ARNT2: variants seen among roughly 807,000 people sequenced by gnomAD.
ARNT2 encodes the protein ARNT protein 2.
In ARNT2, 36 loss-of-function variants were observed where a neutral mutation model predicts 91.7. The observed-to-expected ratio is 0.39, with a 90% CI of 0.30 to 0.52. ARNT2 has a LOEUF of 0.52. Ranked by LOEUF, ARNT2 falls within the 20% of genes least tolerant of loss-of-function variation. The pLI, the probability that ARNT2 is intolerant of heterozygous loss-of-function variation, is 0.72. For synonymous variants in ARNT2, 365 were observed against 347.1 expected, an observed-to-expected ratio of 1.05 and a Z score of -0.57; for missense variants, 775 against 939.3, an observed-to-expected ratio of 0.83 and a Z score of 2.29.
intron 1 of ARNT2, among the ~76,000 whole-genome samples, chr15:80,437,281 G>A (rs372436605): frequency 1.3e-5 from 2 of 152,108 alleles, no homozygotes; most frequent in East Asian, 3.9e-4. Flanking sequence ...TTCAGAGCTG[G>A]TGGCGGTGTC....
In ARNT2 at chr15:80,593,692, T is replaced by A; in HGVS notation, c.2148T>A (p.Ser716=). The change falls in exon 19 of 19, where the codon TCT becomes TCA. Residue 716 remains serine (S), a synonymous_variant. Transcript: ENST00000303329. The part of the protein sequence containing the change: ...FADLGMFPPF[S]E ...ACCTGGGCATGTTTCCACCGTTTTCTGAGTAGCTGCGGCCAGAGTGAGGCT... is the reference window on the plus strand; with the variant it reads ...ACCTGGGCATGTTTCCACCGTTTTCAGAGTAGCTGCGGCCAGAGTGAGGCT... The A allele has an allele frequency of 6.2e-7, 1 of 1,602,554 alleles. No homozygotes were observed. Among genetic ancestry groups the A allele is most frequent in the Non-Finnish European group, 8.5e-7 (1 of 1,173,178 alleles).
At chr15:80,408,288 T>C (rs1219779159) in intron 1 of ARNT2, among the ~76,000 whole-genome samples, 1 of 151,948 alleles carries the variant, frequency 6.6e-6, no homozygotes, top group Non-Finnish European at 1.5e-5. Context: ...CCTCAGGGGG[T>C]TCTAAGTCTA....
At chr15:80,497,807 A>G (rs1409592338) in intron 5 of ARNT2, among the ~76,000 whole-genome samples, 2 of 152,198 alleles carry the variant, frequency 1.3e-5, no homozygotes, top group Non-Finnish European at 2.9e-5. Flanking sequence ...AATTATAAGT[A>G]TATTCTTCCT....
chr15:80,405,896 G>A (rs1895594157), intron 1 of ARNT2, among the ~76,000 whole-genome samples: 1 of 151,036 alleles, frequency 6.6e-6, no homozygotes, highest in Non-Finnish European at 1.5e-5. Context: ...AGAAAAGAGA[G>A]AGAGAGACAG....
intron 10 of ARNT2, 21 bp downstream of exon 10, chr15:80,552,795 C>T (rs3924894): frequency 0.38 from 604,219 of 1,604,630 alleles, 118,824 homozygotes; most frequent in African/African-American, 0.62. Flanking sequence ...AGTTTTGAGC[C>T]TATGGCAATT....
At chr15:80,412,228 C>A (rs1323870159) in intron 1 of ARNT2, among the ~76,000 whole-genome samples, 1 of 152,162 alleles carries the variant, frequency 6.6e-6, no homozygotes, top group Non-Finnish European at 1.5e-5. Flanking sequence ...CAAATAGGTA[C>A]TTCCTGCTTT....
chr15:80,585,315 T>C (rs762481838), intron 17 of ARNT2, among the ~76,000 whole-genome samples: 4 of 152,056 alleles, frequency 2.6e-5, no homozygotes, highest in Non-Finnish European at 5.9e-5. Context: ...CTTAACAAAG[T>C]AAGTGGGGAA....
At chr15:80,558,087 T>G (rs1898231747) in intron 11 of ARNT2, among the ~76,000 whole-genome samples, 1 of 152,172 alleles carries the variant, frequency 6.6e-6, no homozygotes, top group Admixed American at 6.5e-5. Flanking sequence ...GCTGTTCCCC[T>G]GAGGGAATGC....
chr15:80,578,648 A>G (rs1898730547), intron 15 of ARNT2, among the ~76,000 whole-genome samples: 1 of 151,932 alleles, frequency 6.6e-6, no homozygotes, highest in Admixed American at 6.5e-5. Context: ...TGCACAGGGC[A>G]GTGATGAGTG....
At chr15:80,468,945 G>A (rs1896695678) in intron 3 of ARNT2, among the ~76,000 whole-genome samples, 1 of 152,184 alleles carries the variant, frequency 6.6e-6, no homozygotes, top group African/African-American at 2.4e-5. Flanking sequence ...CATCAGGGCT[G>A]ACTGGCACGT....
Position 80,491,404 on chromosome 15 carries a change from C to T in ARNT2, c.622+16181C>T, listed in dbSNP as rs142256355. ...ATCTTGTGAGACTTATTCACTATCACGAGAACAGCACGTGAAAGACCTGCT... is the reference window on the plus strand; with the variant it reads ...ATCTTGTGAGACTTATTCACTATCATGAGAACAGCACGTGAAAGACCTGCT... On this transcript the variant is annotated intron_variant, in intron 5 of 18. Transcript: ENST00000303329. Among the ~76,000 whole-genome samples the T allele has an allele frequency of 8.5e-5, 13 of 152,218 alleles. No homozygotes were observed. The East Asian group carries it at 1.2e-3, about 14-fold the overall frequency.
At chr15:80,507,457 G>A (rs1897290839) in intron 5 of ARNT2, among the ~76,000 whole-genome samples, 1 of 152,176 alleles carries the variant, frequency 6.6e-6, no homozygotes, top group African/African-American at 2.4e-5. Flanking sequence ...GTTTAGGGAG[G>A]GTTTGGGGAA....
chr15:80,521,408 G>A (rs1421437205), intron 8 of ARNT2, among the ~76,000 whole-genome samples: 2 of 151,868 alleles, frequency 1.3e-5, no homozygotes, highest in Non-Finnish European at 2.9e-5. Flanking sequence ...AAATTTACTG[G>A]TAAAAATGTA....
chr15:80,518,854 T>A (rs1897485411), intron 8 of ARNT2, among the ~76,000 whole-genome samples: 1 of 151,884 alleles, frequency 6.6e-6, no homozygotes, highest in Non-Finnish European at 1.5e-5. Context: ...TCTTAGAGAG[T>A]AGGTCTTTGT....
At chr15:80,532,518 C>T (rs912879943) in intron 8 of ARNT2, among the ~76,000 whole-genome samples, 1 of 152,170 alleles carries the variant, frequency 6.6e-6, no homozygotes, top group Admixed American at 6.5e-5. Flanking sequence ...AGGAGCTCAG[C>T]TGATGTGCTC....
At chr15:80,425,035 A>G (rs4778593) in intron 1 of ARNT2, among the ~76,000 whole-genome samples, 110,499 of 152,140 alleles carry the variant, frequency 0.73, 40,561 homozygotes, top group East Asian at 0.8. Context: ...AAATAAAACT[A>G]TATCATGAAC....
intron 1 of ARNT2, among the ~76,000 whole-genome samples, chr15:80,426,529 G>T (rs1567176544): frequency 6.6e-6 from 1 of 152,212 alleles, no homozygotes; most frequent in Non-Finnish European, 1.5e-5. Context: ...CAAGGCTGCT[G>T]CATGGGAGCG....
intron 5 of ARNT2, among the ~76,000 whole-genome samples, chr15:80,478,451 T>A (rs1234983735): frequency 6.6e-6 from 1 of 152,220 alleles, no homozygotes; most frequent in African/African-American, 2.4e-5. Context: ...GAGTGGACAC[T>A]GGACTGTGGC....
chr15:80,456,266 C>T (rs1163749999), intron 2 of ARNT2, among the ~76,000 whole-genome samples: 1 of 109,734 alleles, frequency 9.1e-6, no homozygotes, highest in Non-Finnish European at 2.0e-5. Flanking sequence ...CTGTAAGGCC[C>T]TTTAACTGTA....
Sources: gnomAD v4.1 joint callset for allele counts (sites outside exome capture counted in the v4.1 genomes callset) on GRCh38, gnomAD v4.1.1 for gene constraint, MANE v1.5 for transcripts, NCBI Gene and HGNC (gene_info 2026-07-23, HGNC 2026-07-21) for gene names.